Variants in AGBL1 observed in about 807,000 individuals in gnomAD.
AGBL1 encodes the protein cytosolic carboxypeptidase 4.
AGBL1 carries 130 observed loss-of-function variants against 118.9 expected under a neutral mutation model. The observed-to-expected ratio is 1.09, with a 90% CI of 0.95 to 1.26. AGBL1 has a LOEUF of 1.26. AGBL1 is among the 50% of genes most tolerant of loss of function. AGBL1 has a pLI of 0.00. For synonymous variants in AGBL1, 555 were observed against 478.9 expected, an observed-to-expected ratio of 1.16 and a Z score of -2.08; for missense variants, 1,584 against 1,298.1, an observed-to-expected ratio of 1.22 and a Z score of -3.38.
intron 15 of AGBL1, 121 bp downstream of exon 15, chr15:86,271,827 A>C: frequency 1.1e-6 from 1 of 942,056 alleles, no homozygotes; most frequent in East Asian, 2.5e-5. Flanking sequence ...ACTTTTTGTC[A>C]CTCTGTCCTA....
chr15:86,766,867 AC>A lies in AGBL1; in HGVS notation c.3158+92432del, dbSNP rs1567163980. Among the ~76,000 whole-genome samples the A allele has an allele frequency of 2.3e-4, 35 of 151,912 alleles. 1 individual carries two copies. Among genetic ancestry groups the A allele is most frequent in the African/African-American group, 7.5e-4 (31 of 41,464 alleles). ...CAAAATAATCTACACACACACACAC[AC>A]ACCCCTCTGCTCTGAGAATTAACAA... is the stretch of plus-strand genomic sequence containing the variant. On this transcript the variant is annotated intron_variant, in intron 22 of 22. Transcript: ENST00000614907.
chr15:86,737,532 A>G (rs140253258), intron 22 of AGBL1, among the ~76,000 whole-genome samples: 63 of 152,282 alleles, frequency 4.1e-4, no homozygotes, highest in African/African-American at 1.3e-3. Flanking sequence ...TTGTGAGAGT[A>G]TGAGCCAGAG....
chr15:86,082,045 T>A (rs75068562), intron 1 of AGBL1, among the ~76,000 whole-genome samples: 2,136 of 152,354 alleles, frequency 0.014, 31 homozygotes, highest in South Asian at 0.074. Flanking sequence ...TCCTGTTTAC[T>A]CCTCAGTTGA....
chr15:86,711,619 T>C (rs1181864686), intron 22 of AGBL1, among the ~76,000 whole-genome samples: 2 of 152,172 alleles, frequency 1.3e-5, no homozygotes, highest in Non-Finnish European at 2.9e-5. Context: ...ATTTGTTGAA[T>C]GAATTAATAG....
rs149154071 is a variant in AGBL1 at position 86,219,183 on chromosome 15, C to A, written c.489-5731C>A. 5.2e-3 allele frequency among the ~76,000 whole-genome samples: 798 copies of A among 152,288 alleles called. 4 individuals carry two copies. Among genetic ancestry groups the A allele is most frequent in the African/African-American group, 0.012 (499 of 41,564 alleles). On this transcript the variant is annotated intron_variant, in intron 5 of 22. Transcript: ENST00000614907. Reference sequence around the variant, plus strand: ...TCCTGACTGGTGAATGATGACCCTGCAGGCTCACTGCCTGCAAACACATAT... The same window carrying A: ...TCCTGACTGGTGAATGATGACCCTGAAGGCTCACTGCCTGCAAACACATAT...
At chr15:86,827,239 T>C (rs556675912) in intron 22 of AGBL1, among the ~76,000 whole-genome samples, 66 of 141,282 alleles carry the variant, frequency 4.7e-4, no homozygotes, top group African/African-American at 1.6e-3. Flanking sequence ...AGCCAGCTAT[T>C]AAATAGGATT....
At chr15:86,757,833 T>G (rs6496361) in intron 22 of AGBL1, among the ~76,000 whole-genome samples, 150,778 of 152,156 alleles carry the variant, frequency 0.99, 74,704 homozygotes, top group East Asian at 1. Flanking sequence ...GCTGGCTCTT[T>G]ATTCTTTAAC....
intron 24 of AGBL1, among the ~76,000 whole-genome samples, chr15:87,023,954 C>T (rs2081696771): frequency 1.3e-5 from 2 of 151,822 alleles, no homozygotes; most frequent in Non-Finnish European, 2.9e-5. Context: ...AGTGACACAA[C>T]CTATCAAAAC....
intron 23 of AGBL1, among the ~76,000 whole-genome samples, chr15:86,974,616 T>G (rs937993702): frequency 6.3e-5 from 9 of 143,082 alleles, no homozygotes; most frequent in Non-Finnish European, 1.4e-4. Flanking sequence ...ATATAAATTA[T>G]ATATATTTAT....
intron 1 of AGBL1, among the ~76,000 whole-genome samples, chr15:86,121,262 AAGC>A (rs1898078934): frequency 6.6e-6 from 1 of 152,324 alleles, no homozygotes; most frequent in Admixed American, 6.5e-5. Flanking sequence ...AAAATTGAAT[AAGC>A]AAAAATAATT....
chr15:86,357,029 C>A (rs1182341734), intron 17 of AGBL1, among the ~76,000 whole-genome samples: 1 of 152,154 alleles, frequency 6.6e-6, no homozygotes, highest in Non-Finnish European at 1.5e-5. Flanking sequence ...CAAACATTGG[C>A]ACTACCAGCG....
At chr15:86,331,801 C>A (rs2080273624) in intron 17 of AGBL1, among the ~76,000 whole-genome samples, 1 of 152,190 alleles carries the variant, frequency 6.6e-6, no homozygotes, top group Non-Finnish European at 1.5e-5. Flanking sequence ...TAAGTGAGTT[C>A]TAAACATGGA....
intron 24 of AGBL1, among the ~76,000 whole-genome samples, chr15:87,012,891 G>A (rs1200220440): frequency 1.3e-5 from 2 of 152,070 alleles, no homozygotes; most frequent in African/African-American, 2.4e-5. Context: ...TTCCAGCTCT[G>A]CACTTTGATG....
At position 86,431,811 on chromosome 15, in the gene AGBL1, A is replaced by G. The variant is rs116204852; in HGVS notation, c.2555+34265A>G. Among the ~76,000 whole-genome samples the G allele has an allele frequency of 3.4e-3, 512 of 152,126 alleles. 3 individuals are homozygous for G. Among genetic ancestry groups the G allele is most frequent in the African/African-American group, 0.012 (487 of 41,472 alleles). On this transcript the variant is annotated intron_variant, in intron 18 of 22. Coordinates refer to ENST00000614907, the MANE Select transcript of AGBL1 (RefSeq NM_001386094.1). ...CCTCTTTGACTTCTCTGACTCTACT[A>G]CCTTCCTTGACTCCACTTGGTTGAG... is the stretch of plus-strand genomic sequence containing the variant.
chr15:86,191,258 G>T (rs921985374), intron 5 of AGBL1, among the ~76,000 whole-genome samples: 3 of 143,448 alleles, frequency 2.1e-5, no homozygotes, highest in African/African-American at 7.9e-5. Flanking sequence ...TGAGGCAGGA[G>T]AATCACTTGA....
At chr15:86,902,590 C>G (rs1475451040) in intron 22 of AGBL1, among the ~76,000 whole-genome samples, 1 of 152,008 alleles carries the variant, frequency 6.6e-6, no homozygotes, top group African/African-American at 2.4e-5. Context: ...TAGGGTAGAT[C>G]TGTTACCAAA....
At chr15:86,916,566 C>T (rs576255946), downstream of AGBL1, among the ~76,000 whole-genome samples, 4 of 152,280 alleles carry the variant, frequency 2.6e-5, no homozygotes, top group African/African-American at 9.6e-5. Context: ...GATTCCGTAG[C>T]ATATGGAATA....
intron 22 of AGBL1, among the ~76,000 whole-genome samples, chr15:86,837,289 T>G (rs1054947182): frequency 6.6e-6 from 1 of 152,120 alleles, no homozygotes; most frequent in African/African-American, 2.4e-5. Flanking sequence ...ACCAAGGACG[T>G]TCTAGTACCA....
intron 21 of AGBL1, among the ~76,000 whole-genome samples, chr15:86,559,294 C>T (rs2083780233): frequency 6.6e-6 from 1 of 152,086 alleles, no homozygotes; most frequent in Non-Finnish European, 1.5e-5. Context: ...GGGCATTGGG[C>T]AAGATACTAT....
Sources: allele counts gnomAD v4.1 joint callset (sites outside exome capture counted in the v4.1 genomes callset), GRCh38; gene constraint gnomAD v4.1.1; transcripts MANE v1.5; gene names NCBI Gene and HGNC (gene_info 2026-07-23, HGNC 2026-07-21).